B3GALT1: variants seen among roughly 807,000 people sequenced by gnomAD.
B3GALT1 encodes the protein beta-1,3-galactosyltransferase 1, also known as UDP-Gal:betaGlcNAc beta 1,3-galactosyltransferase, polypeptide 1.
A neutral mutation model predicts 23.2 loss-of-function variants in B3GALT1; 10 were observed. The ratio of observed to expected loss-of-function variants is 0.43; its 90% confidence interval spans 0.27 to 0.73. B3GALT1 has a LOEUF of 0.73. B3GALT1 is among the 30% of genes least tolerant of loss of function. The probability of loss-of-function intolerance (pLI) is 0.21; values close to 1 mark genes in which losing one functional copy is unlikely to be tolerated. For missense variants in B3GALT1, 299 were observed against 405.4 expected, an observed-to-expected ratio of 0.74 and a Z score of 2.25; for synonymous variants, 156 against 141.5, an observed-to-expected ratio of 1.10 and a Z score of -0.73.
intron 3 of B3GALT1, among the ~76,000 whole-genome samples, chr2:167,740,560 T>C (rs1448225087): frequency 1.3e-5 from 2 of 152,182 alleles, no homozygotes; most frequent in East Asian, 1.9e-4. Context: ...ATTTTGCAGA[T>C]ACTTGGCAAA....
intron 4 of B3GALT1, among the ~76,000 whole-genome samples, chr2:167,827,076 A>T (rs1689246364): frequency 6.6e-6 from 1 of 152,206 alleles, no homozygotes; most frequent in African/African-American, 2.4e-5. Context: ...TCAGAGGCAG[A>T]ACTCCAGGCT....
chr2:167,601,442 T>C (rs1467608070), intron 2 of B3GALT1, among the ~76,000 whole-genome samples: 1 of 152,202 alleles, frequency 6.6e-6, no homozygotes, highest in Non-Finnish European at 1.5e-5. Context: ...TCTCCAGATA[T>C]TTCAGATTTT....
chr2:167,704,151 A>G (rs1475600674), intron 3 of B3GALT1, among the ~76,000 whole-genome samples: 1 of 147,248 alleles, frequency 6.8e-6, no homozygotes, highest in Non-Finnish European at 1.5e-5. Flanking sequence ...ACTGCACTCC[A>G]GACTGGGCAA....
intron 2 of B3GALT1, among the ~76,000 whole-genome samples, chr2:167,582,581 A>G (rs140001264): frequency 1.1e-4 from 16 of 152,296 alleles, no homozygotes; most frequent in African/African-American, 3.4e-4. Context: ...CTTTAAAAAG[A>G]TAACTTGGTT....
chr2:167,421,886 A>G (rs865839353), intron 1 of B3GALT1, among the ~76,000 whole-genome samples: 1 of 152,222 alleles, frequency 6.6e-6, no homozygotes, highest in Non-Finnish European at 1.5e-5. Context: ...AGTAGTAAAG[A>G]AGTAGTAAGT....
At chr2:167,624,120 G>A (rs936220581) in intron 2 of B3GALT1, among the ~76,000 whole-genome samples, 1 of 151,986 alleles carries the variant, frequency 6.6e-6, no homozygotes, top group Non-Finnish European at 1.5e-5. Context: ...ATCTGCAATG[G>A]CCAGAGTATT....
At chr2:167,647,512 T>C (rs1298311617) in intron 3 of B3GALT1, among the ~76,000 whole-genome samples, 1 of 152,124 alleles carries the variant, frequency 6.6e-6, no homozygotes, top group Non-Finnish European at 1.5e-5. Flanking sequence ...CCGACTAATT[T>C]TTCCAGAGTA....
chr2:167,529,504 C>T (rs919301307), intron 2 of B3GALT1, among the ~76,000 whole-genome samples: 1 of 149,000 alleles, frequency 6.7e-6, no homozygotes, highest in African/African-American at 2.5e-5. Context: ...TACTGAAAGG[C>T]GGAGGTGCTA....
At chr2:167,545,770 AG>A (rs1482255422) in intron 2 of B3GALT1, among the ~76,000 whole-genome samples, 1 of 152,182 alleles carries the variant, frequency 6.6e-6, no homozygotes, top group Non-Finnish European at 1.5e-5. Context: ...CAACTCAAAA[AG>A]TTCTATACTT....
intron 2 of B3GALT1, among the ~76,000 whole-genome samples, chr2:167,539,912 A>T: frequency 6.6e-6 from 1 of 152,154 alleles, no homozygotes; most frequent in East Asian, 1.9e-4. Flanking sequence ...CAAATCAATA[A>T]TAATTTTTTT....
intron 2 of B3GALT1, among the ~76,000 whole-genome samples, chr2:167,560,751 G>A (rs1683964381): frequency 6.6e-6 from 1 of 152,170 alleles, no homozygotes; most frequent in African/African-American, 2.4e-5. Context: ...AACAAGAAGA[G>A]CTAACTGTCC....
chr2:167,397,804 A>G (rs1268338127), intron 1 of B3GALT1, among the ~76,000 whole-genome samples: 1 of 152,092 alleles, frequency 6.6e-6, no homozygotes, highest in East Asian at 1.9e-4. Context: ...GAACATCATC[A>G]TCAATTAAAG....
At chr2:167,626,630 T>C (rs1685352564) in intron 2 of B3GALT1, among the ~76,000 whole-genome samples, 1 of 151,800 alleles carries the variant, frequency 6.6e-6, no homozygotes. Flanking sequence ...TTTTTCCCTC[T>C]TAGTGGTTTT....
chr2:167,388,922 A>G (rs992168650), intron 1 of B3GALT1, among the ~76,000 whole-genome samples: 4 of 152,246 alleles, frequency 2.6e-5, no homozygotes, highest in Non-Finnish European at 5.9e-5. Context: ...CTGCAAATGT[A>G]ACTAAAGGAC....
chr2:167,868,895 C>T lies in B3GALT1; in HGVS notation c.-145C>T. ...TGAGCGCAGAGGTGACAGACAGCCA[C>T]TGAGGCCCATGGACAATCTCCACCT... On this transcript the variant is annotated 5_prime_UTR_variant, in exon 5 of 5. Coordinates refer to ENST00000392690, the MANE Select transcript of B3GALT1 (RefSeq NM_020981.4). The T allele has an allele frequency of 2.1e-6, 2 of 938,468 alleles. No homozygotes were observed. The highest frequency in any genetic ancestry group is 3.6e-5 in the South Asian group (2 of 55,494). The allele number at this position is 938,468 out of a possible 1,614,324, so 58.1% of individuals were successfully genotyped here.
chr2:167,378,581 C>G (rs1201289373), intron 1 of B3GALT1, among the ~76,000 whole-genome samples: 3 of 151,974 alleles, frequency 2.0e-5, no homozygotes, highest in Non-Finnish European at 4.4e-5. Flanking sequence ...TCTTCAGGCT[C>G]TGAAATTCTT....
intron 3 of B3GALT1, among the ~76,000 whole-genome samples, chr2:167,814,461 A>G (rs1688951401): frequency 6.6e-6 from 1 of 152,208 alleles, no homozygotes. Context: ...GGCACTGCTA[A>G]CAATTAAGAA....
At chr2:167,681,926 T>G (rs902434052) in intron 3 of B3GALT1, among the ~76,000 whole-genome samples, 1 of 152,240 alleles carries the variant, frequency 6.6e-6, no homozygotes, top group Admixed American at 6.5e-5. Flanking sequence ...TCGTCCCACT[T>G]CTGTGAAGTG....
intron 1 of B3GALT1, among the ~76,000 whole-genome samples, chr2:167,399,963 A>T (rs1391142563): frequency 6.6e-6 from 1 of 152,142 alleles, no homozygotes; most frequent in Non-Finnish European, 1.5e-5. Flanking sequence ...ATTGTTGCTT[A>T]ATAACTTTAT....
Sources: allele counts gnomAD v4.1 joint callset (sites outside exome capture counted in the v4.1 genomes callset), GRCh38; gene constraint gnomAD v4.1.1; transcripts MANE v1.5; gene names NCBI Gene and HGNC (gene_info 2026-07-23, HGNC 2026-07-21).